The following COL23A1 variants were observed in gnomAD, a reference collection of about 807,000 sequenced individuals.
The protein encoded by COL23A1 is collagen type XXIII alpha 1 chain, also known as collagen alpha-1(XXIII) chain.
COL23A1 carries 97 observed loss-of-function variants against 99.3 expected under a neutral mutation model. The ratio of observed to expected loss-of-function variants is 0.98; its 90% CI spans 0.83 to 1.16. The LOEUF is 1.16. COL23A1 is among the 50% of genes most tolerant of loss of function. COL23A1 has a pLI of 0.00. For synonymous variants in COL23A1, 320 were observed against 308.2 expected, an observed-to-expected ratio of 1.04 and a Z score of -0.40; for missense variants, 762 against 757.4, an observed-to-expected ratio of 1.01 and a Z score of -0.07.
rs373739162 is a variant in COL23A1, at chr5:178,585,665, A to C, written c.294+4239T>G. ...CAGCCCTGGATGGCGCTGGGGTAAC[A>C]CTCCACAGCCCTGGATGGCGCTGGG... On this transcript the variant is annotated intron_variant, in intron 1 of 28. Coordinates refer to ENST00000390654, the MANE Select transcript of COL23A1 (RefSeq NM_173465.4). 7.5e-3 allele frequency among the ~76,000 whole-genome samples: 19 copies of C among 2,520 alleles called. 1 individual carries two copies. The highest frequency in any genetic ancestry group is 0.017 in the East Asian group (2 of 120). The allele number at this position is 2,520 out of a possible 152,430, so 1.7% of individuals were successfully genotyped here.
Position 178,263,294 on chromosome 5 carries a change from G to A in COL23A1, c.553C>T (p.Pro185Ser). Residue 185 changes from proline to serine, a missense_variant, in exon 9 of 29, where the codon CCT becomes TCT. By Grantham distance (74) the Pro-to-Ser change is moderately conservative. Coordinates refer to ENST00000390654, the MANE Select transcript of COL23A1 (RefSeq NM_173465.4). ...CCAGGAGGTCCAGGGGGCCCCGGAG[G>A]CCCAGCAGCTCCATCTTGTCCTTGG... is the stretch of plus-strand genomic sequence containing the variant. ...GDQGQDGAAG[P>S]PGPPGPPGAR... The A allele has an allele frequency of 6.2e-7, 1 of 1,607,390 alleles. No individual in the cohort carries two copies. Among genetic ancestry groups the A allele is most frequent in the Non-Finnish European group, 8.5e-7 (1 of 1,177,976 alleles).
At chr5:178,259,675 C>A in intron 12 of COL23A1, 46 bp downstream of exon 12, 1 of 1,569,214 alleles carries the variant, frequency 6.4e-7, no homozygotes. Context: ...TCTCTCCAGC[C>A]ACTTCCCAAC....
At chr5:178,451,034 G>A (rs1363458428) in intron 2 of COL23A1, among the ~76,000 whole-genome samples, 1 of 152,300 alleles carries the variant, frequency 6.6e-6, no homozygotes. Context: ...AGGTCTCTAT[G>A]TTATTAAAAC....
intron 2 of COL23A1, among the ~76,000 whole-genome samples, chr5:178,356,367 T>C (rs1004244615): frequency 2.7e-5 from 3 of 109,442 alleles, no homozygotes; most frequent in Admixed American, 9.4e-5. Context: ...TGTATATCAA[T>C]AAAGCTGTTA....
intron 2 of COL23A1, among the ~76,000 whole-genome samples, chr5:178,461,045 G>A (rs1436630027): frequency 6.6e-6 from 1 of 152,192 alleles, no homozygotes; most frequent in Non-Finnish European, 1.5e-5. Flanking sequence ...GGCAGGTTGG[G>A]GAACAGAAAC....
rs1233099721 is a variant in COL23A1 at position 178,589,872 on chromosome 5, A to G, written c.294+32T>C. ...CGCCACCCTCAACCCGACACACCCA[A>G]GTCCGCCCCAGCCACGCGCCAAGAC... On this transcript the variant is annotated intron_variant, in intron 1 of 28. Coordinates refer to ENST00000390654, the MANE Select transcript of COL23A1 (RefSeq NM_173465.4). This position sits in a 1 kb window ranked among gnomAD's most constrained non-coding sequence, Gnocchi z 5.4. The G allele has an allele frequency of 7.8e-7, 1 of 1,285,436 alleles. No individual in the cohort carries two copies. Among genetic ancestry groups the G allele is most frequent in the South Asian group, 2.4e-5 (1 of 41,752 alleles). The allele number at this position is 1,285,436 out of a possible 1,614,324, so 79.6% of individuals were successfully genotyped here.
chr5:178,581,396 A>G (rs143212527), intron 1 of COL23A1, among the ~76,000 whole-genome samples: 1,810 of 151,820 alleles, frequency 0.012, 19 homozygotes, highest in Middle Eastern at 0.031. Context: ...TGAAACTCCA[A>G]CTCTACTAAA....
intron 2 of COL23A1, among the ~76,000 whole-genome samples, chr5:178,531,338 GTGGGAACCCAGGTC>G (rs1356265942): frequency 1.3e-5 from 2 of 152,234 alleles, no homozygotes; most frequent in African/African-American, 4.8e-5. Context: ...CCAGTGTGGG[GTGGGAACCCAGGTC>G]TCTTGATGGC....
Position 178,327,586 on chromosome 5 carries a change from C to A in COL23A1, c.362-20667G>T, listed in dbSNP as rs183165541. Among the ~76,000 whole-genome samples the A allele has an allele frequency of 4.6e-3, 697 of 152,244 alleles. 4 individuals carry two copies. The highest frequency in any genetic ancestry group is 0.016 in the African/African-American group (673 of 41,524). On this transcript the variant is annotated intron_variant, in intron 2 of 28. Coordinates refer to ENST00000390654, the MANE Select transcript of COL23A1 (RefSeq NM_173465.4). ...CAGCAGTCCTGGGGGGCCGGTGTTG[C>A]CAGGTCCACTCTGCGGTGGAGGAGA... is the stretch of plus-strand genomic sequence containing the variant.
At chr5:178,411,825 A>G (rs751801680) in intron 2 of COL23A1, among the ~76,000 whole-genome samples, 10 of 152,256 alleles carry the variant, frequency 6.6e-5, no homozygotes, top group Non-Finnish European at 1.0e-4. Flanking sequence ...AGTCATTAAA[A>G]TCCAAGCAAG....
chr5:178,495,518 T>C (rs1280167915), intron 2 of COL23A1, among the ~76,000 whole-genome samples: 1 of 152,038 alleles, frequency 6.6e-6, no homozygotes, highest in Non-Finnish European at 1.5e-5. Flanking sequence ...GGAGAGATGC[T>C]AGATGCCACT....
intron 2 of COL23A1, among the ~76,000 whole-genome samples, chr5:178,386,119 GTA>G (rs1763656115): frequency 1.3e-5 from 2 of 152,214 alleles, no homozygotes; most frequent in South Asian, 4.1e-4. Context: ...GTGTATGTGG[GTA>G]TGTTTTTCCA....
At chr5:178,518,063 C>T (rs1280277234) in intron 2 of COL23A1, among the ~76,000 whole-genome samples, 2 of 129,036 alleles carry the variant, frequency 1.5e-5, no homozygotes, top group African/African-American at 6.7e-5. Context: ...GTGTTTGTGT[C>T]CCTGATTACT....
rs1337487280 is a variant in COL23A1 at position 178,365,494 on chromosome 5, C to T, written c.362-58575G>A. 1.3e-5 allele frequency among the ~76,000 whole-genome samples: 2 copies of T among 152,122 alleles called. No homozygotes were observed. Among genetic ancestry groups the T allele is most frequent in the Non-Finnish European group, 2.9e-5 (2 of 68,020 alleles). ...TTGACGGGTACCCGCCACCCAATCC[C>T]TCTTTCTTCTGATGTCGACAGGATC... On this transcript the variant is annotated intron_variant, in intron 2 of 28. Transcript: ENST00000390654. This position sits in a 1 kb window ranked among gnomAD's most constrained non-coding sequence, Gnocchi z 5.2.
intron 2 of COL23A1, among the ~76,000 whole-genome samples, chr5:178,526,316 AAGCAAAGCCC>A (rs1262489516): frequency 6.6e-6 from 1 of 152,186 alleles, no homozygotes; most frequent in Non-Finnish European, 1.5e-5. Context: ...CTGGGGGGCC[AAGCAAAGCCC>A]CACACCCTCT....
intron 27 of COL23A1, 40 bp downstream of exon 27, chr5:178,242,002 G>T: frequency 1.3e-6 from 2 of 1,491,326 alleles, no homozygotes; most frequent in Non-Finnish European, 1.8e-6. Flanking sequence ...CTGGCTGGAG[G>T]CCAAAAAGAC....
intron 2 of COL23A1, among the ~76,000 whole-genome samples, chr5:178,516,643 T>C (rs1190819026): frequency 1.3e-5 from 2 of 152,248 alleles, no homozygotes; most frequent in African/African-American, 2.4e-5. Context: ...TTGGTCTGAC[T>C]AGAGAAGATG....
chr5:178,447,556 C>A (rs1344059433), intron 2 of COL23A1, among the ~76,000 whole-genome samples: 1 of 152,160 alleles, frequency 6.6e-6, no homozygotes, highest in Non-Finnish European at 1.5e-5. Flanking sequence ...AGTACAGTAA[C>A]ATACTGTTAA....
chr5:178,263,404 C>A, intron 8 of COL23A1, 80 bp from the exon 9 acceptor site: 2 of 834,100 alleles, frequency 2.4e-6, no homozygotes, highest in Admixed American at 2.7e-5. Flanking sequence ...GATGGGCAGC[C>A]CCACGCCATC....
Sources: gnomAD v4.1 joint callset for allele counts (sites outside exome capture counted in the v4.1 genomes callset) on GRCh38, gnomAD v4.1.1 for gene constraint, Gnocchi (gnomAD v3.1) non-coding constraint, MANE v1.5 for transcripts, NCBI Gene and HGNC (gene_info 2026-07-23, HGNC 2026-07-21) for gene names.